Variants in SLIT1 observed in about 807,000 individuals in gnomAD.
SLIT1 encodes the protein slit guidance ligand 1.
Under a neutral mutation model 186.1 loss-of-function variants are expected in SLIT1, and 66 were observed. The ratio of observed to expected loss-of-function variants is 0.35; its 90% confidence interval spans 0.29 to 0.44. The LOEUF is 0.44. Among genes scored for constraint, SLIT1 ranks in the 20% least tolerant of loss-of-function variants. The pLI, the probability that SLIT1 is intolerant of heterozygous loss-of-function variation, is 1.00. For synonymous variants in SLIT1, 761 were observed against 833.8 expected (o/e 0.91, Z 1.50); for missense variants, 1,638 against 2,037.4 (o/e 0.80, Z 3.77).
chr10:97,180,471 C>T (rs1850319860), intron 1 of SLIT1, among the ~76,000 whole-genome samples: 1 of 152,214 alleles, frequency 6.6e-6, no homozygotes, highest in Non-Finnish European at 1.5e-5. Context: ...ATCTCTATCT[C>T]CCCTGCTGGA....
chr10:97,154,970 A>G (rs1589413900), intron 4 of SLIT1: 1 of 151,976 alleles, frequency 6.6e-6, no homozygotes, highest in Non-Finnish European at 1.5e-5. Flanking sequence ...CCTCTTTCCA[A>G]CCTGTCTCGC....
chr10:97,185,124 G>A (rs139629218), intron 1 of SLIT1, among the ~76,000 whole-genome samples: 39 of 152,386 alleles, frequency 2.6e-4, no homozygotes, highest in African/African-American at 8.4e-4. Context: ...AGTGTGGGAA[G>A]TGTCCCTCCT....
intron 1 of SLIT1, among the ~76,000 whole-genome samples, chr10:97,168,823 A>G (rs773036254): frequency 1.3e-5 from 2 of 152,336 alleles, no homozygotes; most frequent in Non-Finnish European, 2.9e-5. Context: ...GCAATTGACT[A>G]TGATAATTAT....
intron 4 of SLIT1, 59 bp from the exon 5 acceptor site, chr10:97,066,145 G>A (rs558131197): frequency 7.3e-7 from 1 of 1,369,460 alleles, no homozygotes; most frequent in Admixed American, 1.9e-5. Context: ...TTCCTGCAGA[G>A]TGCTGTGATA....
intron 4 of SLIT1, among the ~76,000 whole-genome samples, chr10:97,141,751 CGTATCGTATCGTATTGTATCGTACT>C (rs1564686528): frequency 2.2e-5 from 3 of 136,242 alleles, no homozygotes; most frequent in African/African-American, 8.8e-5. Flanking sequence ...CGTATCGTAT[CGTATCGTATCGTATTGTATCGTACT>C]GTATTGTATT....
intron 4 of SLIT1, among the ~76,000 whole-genome samples, chr10:97,108,886 CAAAAAAAAAAAAAAAAAAAA>C (rs11355026): frequency 2.1e-5 from 1 of 46,744 alleles, no homozygotes; most frequent in Non-Finnish European, 3.6e-5. Context: ...GTCTCAGTCT[CAAAAAAAAAAAAAAAAAAAA>C]AAAAAAAAAA....
At chr10:97,168,281 C>A (rs1201148171) in intron 1 of SLIT1, among the ~76,000 whole-genome samples, 2 of 151,996 alleles carry the variant, frequency 1.3e-5, no homozygotes, top group South Asian at 2.1e-4. Context: ...GAGTACTATG[C>A]ACATTACTGA....
intron 4 of SLIT1, among the ~76,000 whole-genome samples, chr10:97,073,101 TTC>T (rs892701974): frequency 4.6e-5 from 7 of 152,150 alleles, no homozygotes; most frequent in Admixed American, 2.0e-4. Flanking sequence ...AACAAAGCTA[TTC>T]TCTTTTTTTT....
At chr10:97,038,814 TCGAGGCAGTCCTCGTCCA>T (rs1348718488) in intron 21 of SLIT1, among the ~76,000 whole-genome samples, 1 of 152,202 alleles carries the variant, frequency 6.6e-6, no homozygotes, top group African/African-American at 2.4e-5. Flanking sequence ...CGTTTGATCC[TCGAGGCAGTCCTCGTCCA>T]CATACCCAAG....
At chr10:97,086,718 T>TA (rs199718139) in intron 4 of SLIT1, among the ~76,000 whole-genome samples, 71 of 148,520 alleles carry the variant, frequency 4.8e-4, no homozygotes, top group African/African-American at 1.2e-3. Flanking sequence ...ATGGAGAGAG[T>TA]AAAAAAAAAA....
At chr10:97,007,371 A>G (rs1478026376) in intron 31 of SLIT1, among the ~76,000 whole-genome samples, 2 of 152,216 alleles carry the variant, frequency 1.3e-5, no homozygotes, top group Non-Finnish European at 2.9e-5. Flanking sequence ...TTTAAAAACA[A>G]TAAATACCAA....
chr10:97,169,682 GCT>G (rs941792376), intron 1 of SLIT1, among the ~76,000 whole-genome samples: 2 of 152,192 alleles, frequency 1.3e-5, no homozygotes, highest in African/African-American at 4.8e-5. Flanking sequence ...GCCCACCTGG[GCT>G]CCCTGAGGTT....
chr10:97,014,491 G>A (rs999129469), intron 28 of SLIT1, among the ~76,000 whole-genome samples: 17 of 152,234 alleles, frequency 1.1e-4, no homozygotes, highest in Non-Finnish European at 1.2e-4. Context: ...CAGGCTTCCT[G>A]GAGGAGGTGA....
At chr10:97,125,533 CAAA>C (rs34143370) in intron 4 of SLIT1, among the ~76,000 whole-genome samples, 17 of 115,528 alleles carry the variant, frequency 1.5e-4, no homozygotes, top group Middle Eastern at 4.8e-3. Context: ...GACCCTGTGT[CAAA>C]AAAAAAAAAA....
Position 97,068,571 on chromosome 10 carries a change from G to A in SLIT1, c.414-2485C>T, listed in dbSNP as rs1365212075. On this transcript the variant is annotated intron_variant, in intron 4 of 36. Transcript: ENST00000266058. The surrounding 1 kb of genome is among the most constrained non-coding windows in gnomAD (Gnocchi z 4.2). ...CTGGATGTAGGCCCCATCTCCTGGA[G>A]GGGAGATGGTTCAAGCCTGCAGCAC... Among the ~76,000 whole-genome samples, 1 of 152,124 alleles carries A rather than the reference G, an allele frequency of 6.6e-6. No homozygotes were observed. Among genetic ancestry groups the A allele is most frequent in the Non-Finnish European group, 1.5e-5 (1 of 68,018 alleles).
chr10:97,122,568 TGA>T (rs1849569053), intron 4 of SLIT1, among the ~76,000 whole-genome samples: 2 of 152,098 alleles, frequency 1.3e-5, no homozygotes, highest in Non-Finnish European at 2.9e-5. Flanking sequence ...TGAGTGTGTG[TGA>T]GTGTGTTACA....
chr10:97,040,038 G>A lies in SLIT1; in HGVS notation c.2247C>T (p.Asn749=), dbSNP rs1848676508. ...CCTTGGGCAGGGCCCGCAGGTGCTTGTTGCTGCATCGGACCACGGTGTCCA... is the reference window on the plus strand; with the variant it reads ...CCTTGGGCAGGGCCCGCAGGTGCTTATTGCTGCATCGGACCACGGTGTCCA... ...ACLDTVVRCS[N]KHLRALPKGI... Residue 749 remains asparagine (N), a synonymous_variant, in exon 21 of 37, where the codon AAC becomes AAT. Coordinates refer to ENST00000266058, the MANE Select transcript of SLIT1 (RefSeq NM_003061.3). The A allele has an allele frequency of 6.2e-7, 1 of 1,613,562 alleles. No homozygotes were observed. Among genetic ancestry groups the A allele is most frequent in the South Asian group, 1.1e-5 (1 of 91,038 alleles).
intron 31 of SLIT1, among the ~76,000 whole-genome samples, chr10:97,008,696 CA>C (rs200303813): frequency 0.012 from 1,123 of 96,560 alleles, 10 homozygotes; most frequent in Middle Eastern, 0.039. Flanking sequence ...AACTCTGTCT[CA>C]AAAAAAAAAA....
chr10:97,060,676 G>T lies in SLIT1; in HGVS notation c.905C>A (p.Ala302Asp). The T allele has an allele frequency of 6.2e-7, 1 of 1,613,496 alleles. No individual in the cohort carries two copies. The highest frequency in any genetic ancestry group is 8.5e-7 in the Non-Finnish European group (1 of 1,180,038). Residue 302 changes from alanine to aspartate, a missense_variant, in exon 9 of 37, where the codon GCC (alanine) becomes GAC (aspartate). Around this residue, in one of 3 missense-constraint regions of SLIT1, gnomAD observed 1,245 missense variants for 1,535.3 expected, o/e 0.81. Transcript: ENST00000266058. ...GGTCTCGGGCAGGTTGGCCGGGATG[G>T]CAGTGAGGCCTTTTCCACGACAGTC... is the stretch of plus-strand genomic sequence containing the variant. ...IVDCRGKGLTAIPANLPETMT... is the reference protein window; with the variant it reads ...IVDCRGKGLTDIPANLPETMT...
Sources: allele counts gnomAD v4.1 joint callset (sites outside exome capture counted in the v4.1 genomes callset), GRCh38; gene constraint gnomAD v4.1.1; regional missense constraint gnomAD v4.1.1; non-coding constraint Gnocchi (gnomAD v3.1); transcripts MANE v1.5; gene names NCBI Gene and HGNC (gene_info 2026-07-23, HGNC 2026-07-21).